TMEM273: variants seen among roughly 807,000 people sequenced by gnomAD.
The protein encoded by TMEM273 is transmembrane protein 273.
A neutral mutation model predicts 17.9 loss-of-function variants in TMEM273; 19 were observed. The observed-to-expected ratio is 1.06, with a 90% CI of 0.74 to 1.55. TMEM273 has a LOEUF of 1.55. Ranked by LOEUF, TMEM273 falls within the 40% of genes most tolerant of loss-of-function variation. The probability of loss-of-function intolerance (pLI) is 0.00; values close to 1 mark genes in which losing one functional copy is unlikely to be tolerated. For synonymous variants in TMEM273, 66 were observed against 62.0 expected (o/e 1.07, Z -0.31); for missense variants, 194 against 155.6 (o/e 1.25, Z -1.31).
At chr10:49,167,843 G>A in intron 2 of TMEM273, 66 bp downstream of exon 2, 1 of 1,591,844 alleles carries the variant, frequency 6.3e-7, no homozygotes, top group South Asian at 1.1e-5. Flanking sequence ...CCCTCTGCTT[G>A]CTTGTCTTGG....
chr10:49,186,234 T>A (rs1343845694), intron 1 of TMEM273, among the ~76,000 whole-genome samples: 1 of 152,224 alleles, frequency 6.6e-6, no homozygotes, highest in Non-Finnish European at 1.5e-5. Context: ...TAGAAAGGCA[T>A]GTCTTTCAAC....
chr10:49,168,090 G>A (rs1846315965), intron 1 of TMEM273, 128 bp from the exon 2 acceptor site: 1 of 1,107,178 alleles, frequency 9.0e-7, no homozygotes, highest in African/African-American at 1.6e-5. Context: ...GCTCCCAATT[G>A]CCATGGAGTG....
chr10:49,161,437 C>T, intron 6 of TMEM273, 162 bp downstream of exon 6: 1 of 787,402 alleles, frequency 1.3e-6, no homozygotes, highest in Admixed American at 2.2e-5. Flanking sequence ...ATGCTGATTC[C>T]TGGTCTCACA....
At chr10:49,163,104 A>T (rs1845945807) in intron 5 of TMEM273, among the ~76,000 whole-genome samples, 1 of 151,736 alleles carries the variant, frequency 6.6e-6, no homozygotes, top group Non-Finnish European at 1.5e-5. Flanking sequence ...AAGAACACAG[A>T]GCTGCCCGGG....
chr10:49,168,060 CA>C, intron 1 of TMEM273, 98 bp from the exon 2 acceptor site: 4 of 1,453,928 alleles, frequency 2.8e-6, no homozygotes, highest in South Asian at 1.2e-5. Flanking sequence ...CCCATGTACC[CA>C]CCAGGAGCAC....
At chr10:49,173,937 A>C (rs1226994322) in intron 1 of TMEM273, among the ~76,000 whole-genome samples, 1 of 152,140 alleles carries the variant, frequency 6.6e-6, no homozygotes, top group African/African-American at 2.4e-5. Context: ...GCCCACTGTG[A>C]GCCTTGGAGG....
intron 1 of TMEM273, among the ~76,000 whole-genome samples, chr10:49,172,698 C>T (rs539453823): frequency 1.3e-5 from 2 of 152,212 alleles, no homozygotes; most frequent in East Asian, 3.9e-4. Flanking sequence ...GCTCCCAGCT[C>T]AATGGCCTCA....
chr10:49,176,373 C>G (rs1846969201), intron 1 of TMEM273, among the ~76,000 whole-genome samples: 1 of 152,224 alleles, frequency 6.6e-6, no homozygotes, highest in African/African-American at 2.4e-5. Context: ...CAAGGCCTCC[C>G]ATAGCCTGTA....
chr10:49,157,050 C>T (rs1206432703), intron 6 of TMEM273, among the ~76,000 whole-genome samples: 1 of 152,122 alleles, frequency 6.6e-6, no homozygotes, highest in Non-Finnish European at 1.5e-5. Context: ...CTTTAACAAG[C>T]CCTGAATTAA....
chr10:49,157,931 G>A (rs1005327720), intron 6 of TMEM273, among the ~76,000 whole-genome samples: 6 of 152,080 alleles, frequency 3.9e-5, no homozygotes, highest in African/African-American at 9.7e-5. Context: ...CTCAAGGGAC[G>A]GAGAAGAAAA....
chr10:49,168,826 A>C (rs1024694328), intron 1 of TMEM273, among the ~76,000 whole-genome samples: 1 of 152,178 alleles, frequency 6.6e-6, no homozygotes, highest in Non-Finnish European at 1.5e-5. Flanking sequence ...GCTCACAAAC[A>C]GCGCCCTAAA....
At position 49,188,273 on chromosome 10, in the gene TMEM273, AC is replaced by A; in HGVS notation, c.43+20del. On this transcript the variant is annotated intron_variant, in intron 1 of 6. Transcript: ENST00000374153. ...CCACTGAGGCTCCCCCGGGCCAGAG[AC>A]CCCCGCAGTCCCCACTTACCCAGGA... The A allele has an allele frequency of 6.2e-7, 1 of 1,613,494 alleles. No individual in the cohort carries two copies. The highest frequency in any genetic ancestry group is 1.1e-5 in the South Asian group (1 of 90,986).
At chr10:49,179,018 C>T (rs930524406) in intron 1 of TMEM273, among the ~76,000 whole-genome samples, 1 of 152,172 alleles carries the variant, frequency 6.6e-6, no homozygotes, top group African/African-American at 2.4e-5. Flanking sequence ...AAGGTGTGAA[C>T]AGGGCTTGGC....
At chr10:49,164,150 C>T (rs938147756) in intron 5 of TMEM273, among the ~76,000 whole-genome samples, 10 of 152,126 alleles carry the variant, frequency 6.6e-5, no homozygotes, top group African/African-American at 9.7e-5. Context: ...CAGAAACTTT[C>T]GGCTCACCAT....
chr10:49,170,163 G>A (rs546694018), intron 1 of TMEM273, among the ~76,000 whole-genome samples: 5 of 152,322 alleles, frequency 3.3e-5, no homozygotes, highest in African/African-American at 9.6e-5. Context: ...AAAGACATAG[G>A]TACACACAGA....
At chr10:49,184,737 C>A (rs1028112056) in intron 1 of TMEM273, among the ~76,000 whole-genome samples, 10 of 152,216 alleles carry the variant, frequency 6.6e-5, no homozygotes, top group African/African-American at 2.2e-4. Context: ...CACGACATTT[C>A]CCCTGCCAGG....
intron 1 of TMEM273, among the ~76,000 whole-genome samples, chr10:49,186,047 A>AGAGGAAGAAGAAGAAGAG (rs1351125827): frequency 2.1e-5 from 3 of 144,670 alleles, no homozygotes; most frequent in Non-Finnish European, 4.5e-5. Context: ...AAGAAGAAGA[A>AGAGGAAGAAGAAGAAGAG]GAAGAGGAAG....
intron 6 of TMEM273, among the ~76,000 whole-genome samples, chr10:49,158,694 G>A (rs914146001): frequency 3.3e-5 from 5 of 152,114 alleles, no homozygotes; most frequent in African/African-American, 7.2e-5. Flanking sequence ...ACCCTAGTAC[G>A]CACAGAAATT....
intron 5 of TMEM273, among the ~76,000 whole-genome samples, chr10:49,162,774 C>T (rs1845926286): frequency 1.3e-5 from 2 of 152,214 alleles, no homozygotes; most frequent in African/African-American, 2.4e-5. Flanking sequence ...CCATTCAAAA[C>T]AGACTCCTCC....
Sources: gnomAD v4.1 joint callset for allele counts (sites outside exome capture counted in the v4.1 genomes callset) on GRCh38, gnomAD v4.1.1 for gene constraint, MANE v1.5 for transcripts, NCBI Gene and HGNC (gene_info 2026-07-23, HGNC 2026-07-21) for gene names.